Variants in SETD2 observed in about 807,000 individuals in gnomAD.
SETD2 encodes SET domain containing 2, histone lysine methyltransferase, also known as histone-lysine N-methyltransferase SETD2.
A neutral mutation model predicts 242.1 loss-of-function variants in SETD2; 31 were observed. The ratio of observed to expected loss-of-function variants is 0.13; its 90% CI spans 0.10 to 0.17. The LOEUF (loss-of-function observed/expected upper bound fraction) is 0.17, where lower values mean the gene tolerates loss of function less well. SETD2 is among the 10% of genes least tolerant of loss of function. The probability of loss-of-function intolerance (pLI) is 1.00; values close to 1 mark genes in which losing one functional copy is unlikely to be tolerated. For missense variants in SETD2, 2,481 were observed against 3,046.3 expected, an observed-to-expected ratio of 0.81 and a Z score of 4.37; for synonymous variants, 1,006 against 1,066.5, an observed-to-expected ratio of 0.94 and a Z score of 1.11.
chr3:47,053,241 G>A (rs1023394561), intron 15 of SETD2, among the ~76,000 whole-genome samples: 2 of 151,992 alleles, frequency 1.3e-5, no homozygotes, highest in Non-Finnish European at 2.9e-5. Context: ...GGTCCAATAG[G>A]TTATAGAGAG....
chr3:47,053,277 C>T (rs1243945495), intron 15 of SETD2, among the ~76,000 whole-genome samples: 1 of 152,148 alleles, frequency 6.6e-6, no homozygotes, highest in African/African-American at 2.4e-5. Flanking sequence ...CTGTTACCAC[C>T]TCTAGAATAA....
chr3:47,073,918 G>A (rs2040938159), intron 12 of SETD2, among the ~76,000 whole-genome samples: 1 of 152,140 alleles, frequency 6.6e-6, no homozygotes, highest in South Asian at 2.1e-4. Context: ...TAACTATGAA[G>A]AGCAATTTGG....
intron 12 of SETD2, among the ~76,000 whole-genome samples, chr3:47,080,412 C>T (rs371430721): frequency 1.3e-5 from 2 of 152,110 alleles, no homozygotes; most frequent in South Asian, 2.1e-4. Flanking sequence ...CTAACCATTA[C>T]AATCTCTCGG....
chr3:47,120,437 T>A lies in SETD2; in HGVS notation c.4199A>T (p.Asp1400Val). ...SKNLEKNDIK[D>V]RGPLKKRRQE... The stretch of plus-strand genomic sequence containing the variant: ...CCTCCTTTTTTTAAGAGGCCCTCTA[T>A]CTTTGATATCATTTTTTTCTAAGTT... Residue 1400 changes from aspartate to valine, a missense_variant, in exon 3 of 21, where the codon GAT becomes GTT. Coordinates refer to ENST00000409792, the MANE Select transcript of SETD2 (RefSeq NM_014159.7). 1.2e-6 allele frequency: 2 copies of A among 1,613,236 alleles called. No individual in the cohort carries two copies. The highest frequency in any genetic ancestry group is 1.7e-6 in the Non-Finnish European group (2 of 1,179,782).
intron 1 of SETD2, among the ~76,000 whole-genome samples, chr3:47,159,905 G>A (rs946013818): frequency 6.6e-6 from 1 of 150,710 alleles, no homozygotes; most frequent in Middle Eastern, 3.4e-3. Flanking sequence ...AAGCCAGGGG[G>A]CAGAGGTTGC....
chr3:47,100,532 G>A lies in SETD2; in HGVS notation c.5015+926C>T, dbSNP rs559454161. Among the ~76,000 whole-genome samples the A allele has an allele frequency of 7.2e-5, 11 of 152,178 alleles. No homozygotes were observed. In the South Asian group the frequency reaches 2.1e-3, roughly 29 times the overall value. The stretch of plus-strand genomic sequence containing the variant: ...GCCTCCCAAAATGCTGAGATTACAG[G>A]CGTGACCCACTGCAACCAGCCTGTA... On this transcript the variant is annotated intron_variant, in intron 8 of 20. Transcript: ENST00000409792.
rs373379385 is a variant in SETD2, at chr3:47,126,117, C to G, written c.87+531G>C. 7.9e-5 allele frequency among the ~76,000 whole-genome samples: 12 copies of G among 152,318 alleles called. No individual in the cohort carries two copies. In the East Asian group the frequency reaches 1.9e-3, roughly 24 times the overall value. On this transcript the variant is annotated intron_variant, in intron 2 of 20. Coordinates refer to ENST00000409792, the MANE Select transcript of SETD2 (RefSeq NM_014159.7). ...CCATCTTGGCTCACTGCAACCTCCTCCTCCCCAGCTCAAGCAATTCTCCTG... is the reference window on the plus strand; with the variant it reads ...CCATCTTGGCTCACTGCAACCTCCTGCTCCCCAGCTCAAGCAATTCTCCTG...
chr3:47,101,526 C>T lies in SETD2; in HGVS notation c.4947G>A (p.Gly1649=), dbSNP rs775659248. 1 of 1,613,444 alleles carries T rather than the reference C, an allele frequency of 6.2e-7. No individual in the cohort carries two copies. Among genetic ancestry groups the T allele is most frequent in the Non-Finnish European group, 8.5e-7 (1 of 1,179,570 alleles). Residue 1649 remains glycine (G), a synonymous_variant, in exon 8 of 21, where the codon GGG becomes GGA. Transcript: ENST00000409792. ...AAGGAACCAGTTTGGTGGTAAAAAA[C>T]CCAACCCTCAGTTGTCCGTTCACAG... The part of the protein sequence containing the change: ...KWTVNGQLRV[G]FFTTKLVPSG...
chr3:47,117,261 C>CAAAAAAAAAAAAAAAAAAAAAAAACA (rs5848820), intron 3 of SETD2, among the ~76,000 whole-genome samples: 1 of 66,492 alleles, frequency 1.5e-5, no homozygotes, highest in Admixed American at 1.5e-4. Flanking sequence ...CCTGCATTAC[C>CAAAAAAAAAAAAAAAAAAAAAAAACA]AAAAAAAAAA....
At chr3:47,099,167 T>G (rs537932123) in intron 8 of SETD2, among the ~76,000 whole-genome samples, 1 of 151,712 alleles carries the variant, frequency 6.6e-6, no homozygotes, top group South Asian at 2.1e-4. Context: ...AAGACCTTCA[T>G]TGCCAGAAGT....
intron 14 of SETD2, among the ~76,000 whole-genome samples, chr3:47,061,761 C>T (rs2040341522): frequency 6.6e-6 from 1 of 152,198 alleles, no homozygotes; most frequent in African/African-American, 2.4e-5. Flanking sequence ...AAGAGAGCTT[C>T]TGACTAGATT....
chr3:47,142,056 C>T (rs2043742151), intron 1 of SETD2, among the ~76,000 whole-genome samples: 2 of 152,148 alleles, frequency 1.3e-5, no homozygotes. Context: ...GCACCACTAT[C>T]CATCATTTCA....
At position 47,083,917 on chromosome 3, in the gene SETD2, C is replaced by G. The variant is rs761536283; in HGVS notation, c.5863G>C (p.Glu1955Gln). 88 of 1,614,068 alleles carry G rather than the reference C, an allele frequency of 5.5e-5. No individual in the cohort carries two copies. Among genetic ancestry groups the G allele is most frequent in the Non-Finnish European group, 7.4e-5 (87 of 1,180,044 alleles). The change falls in exon 12 of 21, where the codon GAA (glutamate) becomes CAA (glutamine). Residue 1955 changes from glutamate to glutamine, a missense_variant. By Grantham distance (29) the Glu-to-Gln change is conservative. Around this residue, in one of 17 missense-constraint regions of SETD2, gnomAD observed 203 missense variants for 222.4 expected, o/e 0.91. Transcript: ENST00000409792. Reference protein sequence around the residue: ...EASKLPTSEPEADAEIEPKES... With the variant: ...EASKLPTSEPQADAEIEPKES... ...TTGGGCTCTATTTCAGCGTCAGCTT[C>G]TGGTTCAGATGTAGGTAGCTTACTA...
intron 10 of SETD2, among the ~76,000 whole-genome samples, chr3:47,087,069 C>T (rs1229210790): frequency 1.3e-5 from 2 of 151,288 alleles, no homozygotes; most frequent in African/African-American, 2.4e-5. Flanking sequence ...TGTTATCTAA[C>T]ATCTTGTGGC....
intron 9 of SETD2, among the ~76,000 whole-genome samples, chr3:47,095,440 G>A (rs576368794): frequency 6.6e-6 from 1 of 152,234 alleles, no homozygotes; most frequent in African/African-American, 2.4e-5. Flanking sequence ...GGCCTGGAAA[G>A]TTTTTATGGA....
chr3:47,065,941 CAA>C (rs2040538714), intron 13 of SETD2, among the ~76,000 whole-genome samples: 1 of 152,170 alleles, frequency 6.6e-6, no homozygotes, highest in African/African-American at 2.4e-5. Flanking sequence ...AGAATCTGAT[CAA>C]AGTTTTGAAC....
At chr3:47,040,262 A>G (rs2039218512) in intron 17 of SETD2, among the ~76,000 whole-genome samples, 1 of 152,134 alleles carries the variant, frequency 6.6e-6, no homozygotes, top group Non-Finnish European at 1.5e-5. Context: ...TACAGGTGTG[A>G]GCCACTGCAC....
At chr3:47,152,695 C>T (rs2044016913) in intron 1 of SETD2, among the ~76,000 whole-genome samples, 1 of 152,140 alleles carries the variant, frequency 6.6e-6, no homozygotes, top group Non-Finnish European at 1.5e-5. Context: ...GATAATAGTC[C>T]TCCCCAAAGA....
intron 19 of SETD2, among the ~76,000 whole-genome samples, chr3:47,019,333 CAAG>C (rs1559635821): frequency 2.0e-5 from 3 of 152,188 alleles, no homozygotes; most frequent in Admixed American, 6.5e-5. Flanking sequence ...TTGCCTACCT[CAAG>C]GGCTGTTGTG....
Sources: allele counts gnomAD v4.1 joint callset (sites outside exome capture counted in the v4.1 genomes callset), GRCh38; gene constraint gnomAD v4.1.1; regional missense constraint gnomAD v4.1.1; transcripts MANE v1.5; gene names NCBI Gene and HGNC (gene_info 2026-07-23, HGNC 2026-07-21).